Variants in FAM114A2 observed in about 807,000 individuals in gnomAD.
FAM114A2 encodes protein FAM114A2.
Under a neutral mutation model 58.4 loss-of-function variants are expected in FAM114A2, and 53 were observed. The ratio of observed to expected loss-of-function variants is 0.91; its 90% CI spans 0.73 to 1.14. The LOEUF (loss-of-function observed/expected upper bound fraction) is 1.14. FAM114A2 is among the 50% of genes most tolerant of loss of function. The pLI is 0.00. For synonymous variants in FAM114A2, 228 were observed against 211.4 expected (o/e 1.08, Z -0.68); for missense variants, 601 against 581.1 (o/e 1.03, Z -0.35).
intron 8 of FAM114A2, among the ~76,000 whole-genome samples, chr5:154,015,394 A>G (rs2113353099): frequency 6.6e-6 from 1 of 152,280 alleles, no homozygotes; most frequent in Admixed American, 6.5e-5. Context: ...CACCTCCAGC[A>G]AAACAGGTGC....
intron 8 of FAM114A2, among the ~76,000 whole-genome samples, chr5:154,011,543 TC>T (rs767368683): frequency 7.2e-5 from 11 of 152,144 alleles, no homozygotes; most frequent in Non-Finnish European, 1.6e-4. Flanking sequence ...GTGCCATTAT[TC>T]CATGTTAGAG....
chr5:154,036,847 T>C (rs1263969168), intron 1 of FAM114A2: 1 of 151,780 alleles, frequency 6.6e-6, no homozygotes, highest in African/African-American at 2.4e-5. Flanking sequence ...CATTTAAAAA[T>C]CAGACTTCAT....
chr5:154,034,246 C>T, intron 3 of FAM114A2, 32 bp downstream of exon 3: 1 of 1,320,492 alleles, frequency 7.6e-7, no homozygotes, highest in Non-Finnish European at 1.1e-6. Flanking sequence ...TAAATACACA[C>T]ACAAAAATAA....
intron 8 of FAM114A2, among the ~76,000 whole-genome samples, chr5:154,024,085 C>T (rs74847654): frequency 0.066 from 10,078 of 152,088 alleles, 404 homozygotes; most frequent in Middle Eastern, 0.19. Context: ...AGCCAGCTAA[C>T]AGTGAAGTAA....
chr5:154,018,001 A>C (rs1771153941), intron 8 of FAM114A2, among the ~76,000 whole-genome samples: 1 of 152,222 alleles, frequency 6.6e-6, no homozygotes, highest in Admixed American at 6.5e-5. Context: ...GTCACACCTC[A>C]AGGAAACAGA....
In FAM114A2 at chr5:154,026,503, G is replaced by T; in HGVS notation, c.809C>A (p.Ser270Tyr). The T allele has an allele frequency of 6.5e-7, 1 of 1,535,442 alleles. No individual in the cohort carries two copies. The highest frequency in any genetic ancestry group is 1.3e-5 in the South Asian group (1 of 78,754). The change falls in exon 8 of 14, where the codon TCT becomes TAT. Residue 270 changes from serine to tyrosine, a missense_variant. Transcript: ENST00000351797. ...SEIKVKSILN[S>Y]LSGEELETLK... ...AGTCTCTAATTCTTCTCCACTCAGAGAATTAAGGATAGATTTCACCTGAAT... is the reference window on the plus strand; with the variant it reads ...AGTCTCTAATTCTTCTCCACTCAGATAATTAAGGATAGATTTCACCTGAAT...
intron 4 of FAM114A2, among the ~76,000 whole-genome samples, chr5:154,031,935 A>C (rs887867825): frequency 6.6e-6 from 1 of 152,246 alleles, no homozygotes; most frequent in African/African-American, 2.4e-5. Flanking sequence ...TTTGTTCCTA[A>C]GCAGAAAGGC....
chr5:154,018,915 A>G (rs1771222561), intron 8 of FAM114A2, among the ~76,000 whole-genome samples: 1 of 152,200 alleles, frequency 6.6e-6, no homozygotes, highest in African/African-American at 2.4e-5. Flanking sequence ...ACCTCAATGT[A>G]ATAAAAGCCA....
At chr5:154,007,336 A>G (rs369463761) in intron 9 of FAM114A2, among the ~76,000 whole-genome samples, 257 of 152,276 alleles carry the variant, frequency 1.7e-3, no homozygotes, top group African/African-American at 5.8e-3. Flanking sequence ...CCAACAGAAA[A>G]ATAATGAGGC....
At chr5:154,024,616 T>A (rs1208623887) in intron 8 of FAM114A2, among the ~76,000 whole-genome samples, 2 of 152,174 alleles carry the variant, frequency 1.3e-5, no homozygotes, top group African/African-American at 2.4e-5. Flanking sequence ...TTCAGATCAT[T>A]ATTAATATTC....
At chr5:154,020,536 G>T (rs925206300) in intron 8 of FAM114A2, among the ~76,000 whole-genome samples, 3 of 152,076 alleles carry the variant, frequency 2.0e-5, no homozygotes, top group African/African-American at 7.2e-5. Context: ...AAATAAACTA[G>T]AAAATCAAGA....
intron 8 of FAM114A2, among the ~76,000 whole-genome samples, chr5:154,018,522 C>T (rs1018029764): frequency 1.3e-5 from 2 of 151,758 alleles, no homozygotes; most frequent in Non-Finnish European, 2.9e-5. Flanking sequence ...TACTATTTCA[C>T]AAGATAAAGA....
intron 3 of FAM114A2, 80 bp from the exon 4 acceptor site, chr5:154,033,963 A>T: frequency 1.1e-6 from 1 of 873,242 alleles, no homozygotes; most frequent in East Asian, 2.6e-5. Context: ...AGATTTTTAA[A>T]ATCATTTAGG....
At chr5:154,023,051 C>T (rs1338694363) in intron 8 of FAM114A2, among the ~76,000 whole-genome samples, 1 of 152,182 alleles carries the variant, frequency 6.6e-6, no homozygotes. Context: ...AAACCAAACA[C>T]CACTTGTTCT....
At chr5:154,026,082 G>A (rs1351540725) in intron 8 of FAM114A2, among the ~76,000 whole-genome samples, 1 of 152,154 alleles carries the variant, frequency 6.6e-6, no homozygotes, top group Non-Finnish European at 1.5e-5. Context: ...TCAAACTGAG[G>A]CAAGAATCTG....
intron 11 of FAM114A2, among the ~76,000 whole-genome samples, chr5:154,000,897 A>T (rs906161146): frequency 6.6e-6 from 1 of 152,220 alleles, no homozygotes. Flanking sequence ...GTTCTTAATA[A>T]TAGTTATTAG....
At chr5:154,010,956 A>G (rs1253077232) in intron 9 of FAM114A2, among the ~76,000 whole-genome samples, 2 of 152,210 alleles carry the variant, frequency 1.3e-5, no homozygotes, top group Non-Finnish European at 2.9e-5. Flanking sequence ...CATCACTGCC[A>G]ACTTTTAATG....
intron 8 of FAM114A2, among the ~76,000 whole-genome samples, chr5:154,023,286 A>G (rs1771551847): frequency 6.6e-6 from 1 of 152,202 alleles, no homozygotes; most frequent in Non-Finnish European, 1.5e-5. Flanking sequence ...AAAGTATACT[A>G]ATAAAATAAT....
chr5:154,019,510 T>C (rs1364554471), intron 8 of FAM114A2, among the ~76,000 whole-genome samples: 1 of 152,190 alleles, frequency 6.6e-6, no homozygotes, highest in East Asian at 1.9e-4. Context: ...ACCGCCATTA[T>C]TCATTGAACT....
Sources: allele counts gnomAD v4.1 joint callset (sites outside exome capture counted in the v4.1 genomes callset), GRCh38; gene constraint gnomAD v4.1.1; transcripts MANE v1.5; gene names NCBI Gene and HGNC (gene_info 2026-07-23, HGNC 2026-07-21).